Variants in RPN1 observed in about 807,000 individuals in gnomAD.
RPN1 encodes ribophorin I, also known as dolichyl-diphosphooligosaccharide--protein glycosyltransferase subunit 1.
Under a neutral mutation model 55.5 loss-of-function variants are expected in RPN1, and 12 were observed. That is an observed-to-expected ratio of 0.22 (90% CI 0.14 to 0.35). RPN1 has a LOEUF of 0.35. RPN1 is among the 10% of genes least tolerant of loss of function. RPN1 has a pLI of 1.00. For synonymous variants in RPN1, 317 were observed against 305.9 expected (o/e 1.04, Z -0.38); for missense variants, 679 against 761.3 (o/e 0.89, Z 1.27).
At chr3:128,644,690 G>A (rs1245013856) in intron 2 of RPN1, 2 of 651,740 alleles carry the variant, frequency 3.1e-6, no homozygotes, top group Non-Finnish European at 2.8e-6. Context: ...CAGATGCAGT[G>A]GTTCACACCT....
intron 7 of RPN1, 54 bp from the exon 8 acceptor site, chr3:128,625,707 A>T: frequency 6.2e-7 from 1 of 1,611,198 alleles, no homozygotes. Context: ...ATGGGAGCCT[A>T]GACTCACCCA....
Position 128,637,837 on chromosome 3 carries a change from C to T in RPN1, c.595G>A (p.Asp199Asn). The change falls in exon 3 of 10, where the codon GAT becomes AAT. Residue 199 changes from aspartate to asparagine, a missense_variant. By Grantham distance (23) the Asp-to-Asn change is conservative. Coordinates refer to ENST00000296255, the MANE Select transcript of RPN1 (RefSeq NM_002950.4). The part of the protein sequence containing the change: ...GNPTRSEDLL[D>N]YGPFRDVPAY... ...GGCACATCTCTGAAAGGCCCATAAT[C>T]CAGTAGGTCCTCAGAGCGCGTGGGG... 1 of 1,613,584 alleles carries T rather than the reference C, an allele frequency of 6.2e-7. No individual in the cohort carries two copies. Among genetic ancestry groups the T allele is most frequent in the Non-Finnish European group, 8.5e-7 (1 of 1,180,036 alleles).
chr3:128,643,616 T>C (rs377248553), intron 2 of RPN1, among the ~76,000 whole-genome samples: 4 of 151,742 alleles, frequency 2.6e-5, no homozygotes, highest in Non-Finnish European at 5.9e-5. Context: ...ACCAATATGG[T>C]GAAACCCCAT....
In RPN1 at chr3:128,649,452, A is replaced by G. The variant is rs915974359; in HGVS notation, c.261+1088T>C. Among the ~76,000 whole-genome samples the G allele has an allele frequency of 2.1e-4, 32 of 152,222 alleles. 1 individual carries two copies. The highest frequency in any genetic ancestry group is 1.5e-5 in the Non-Finnish European group (1 of 68,048). ...ATCTTTCCACAAGCCTTTGAGTAAA[A>G]CTTTATTTCATCATGGACAACGCAT... On this transcript the variant is annotated intron_variant, in intron 1 of 9. Transcript: ENST00000296255.
chr3:128,640,334 A>G (rs1311986225), intron 2 of RPN1, among the ~76,000 whole-genome samples: 3 of 152,180 alleles, frequency 2.0e-5, no homozygotes, highest in South Asian at 4.1e-4. Flanking sequence ...TTTGTCCTCA[A>G]AGGTGAGAAC....
chr3:128,642,042 A>C (rs550916502), intron 2 of RPN1, among the ~76,000 whole-genome samples: 72 of 152,342 alleles, frequency 4.7e-4, no homozygotes, highest in Non-Finnish European at 8.4e-4. Flanking sequence ...CAAAAAGCAC[A>C]GTCCTAATAA....
Position 128,622,285 on chromosome 3 carries a change from C to G in RPN1, c.1520G>C (p.Arg507Pro), listed in dbSNP as rs1231449821. Reference sequence around the variant, plus strand: ...GCCACTGTTGAGGGTGGAGATGTCCCGGGATTGCTTGTACCTATTGACGGT... The same window carrying G: ...GCCACTGTTGAGGGTGGAGATGTCCGGGGATTGCTTGTACCTATTGACGGT... Reference protein sequence around the residue: ...DETVNRYKQSRDISTLNSGKK... With the variant: ...DETVNRYKQSPDISTLNSGKK... Residue 507 changes from arginine to proline, a missense_variant, in exon 9 of 10, where the codon CGG (arginine) becomes CCG (proline). By Grantham distance (103) the Arg-to-Pro change is moderately radical (BLOSUM62 -2). Around this residue, in one of 3 missense-constraint regions of RPN1, gnomAD observed 306 missense variants for 360.0 expected, o/e 0.85. Transcript: ENST00000296255. The G allele has an allele frequency of 1.2e-6, 2 of 1,614,096 alleles. No individual in the cohort carries two copies. Among genetic ancestry groups the G allele is most frequent in the Non-Finnish European group, 1.7e-6 (2 of 1,180,040 alleles).
intron 2 of RPN1, 35 bp from the exon 3 acceptor site, chr3:128,638,140 A>T (rs547282931): frequency 6.6e-7 from 1 of 1,510,292 alleles, no homozygotes; most frequent in Admixed American, 1.8e-5. Flanking sequence ...AGTAAGAGAG[A>T]CTGAGGATAC....
intron 3 of RPN1, among the ~76,000 whole-genome samples, chr3:128,635,383 C>T (rs2069669438): frequency 6.6e-6 from 1 of 151,546 alleles, no homozygotes; most frequent in Non-Finnish European, 1.5e-5. Flanking sequence ...CTACCGCAAC[C>T]CCTACCTCCT....
In RPN1 at chr3:128,636,117, A is replaced by G. The variant is rs186025145; in HGVS notation, c.633+1682T>C. On this transcript the variant is annotated intron_variant, in intron 3 of 9. Transcript: ENST00000296255. ...TTAATAAAAAGTTCTTAAAAGTTTA[A>G]AACAACCCAAAACGAACAGCCCTAA... Among the ~76,000 whole-genome samples, 25 of 152,270 alleles carry G rather than the reference A, an allele frequency of 1.6e-4. No individual in the cohort carries two copies. In the East Asian group the frequency reaches 3.1e-3, roughly 19 times the overall value.
intron 3 of RPN1, among the ~76,000 whole-genome samples, chr3:128,635,117 A>C (rs1033692768): frequency 3.9e-5 from 6 of 152,018 alleles, no homozygotes; most frequent in African/African-American, 1.4e-4. Flanking sequence ...CTCTCTCCCC[A>C]AAAACAACCC....
At chr3:128,635,642 T>TAGATAG (rs1489869826) in intron 3 of RPN1, among the ~76,000 whole-genome samples, 9 of 8,062 alleles carry the variant, frequency 1.1e-3, no homozygotes, top group African/African-American at 2.4e-3. Context: ...TATATATAGA[T>TAGATAG]ATATATATAT....
chr3:128,623,485 C>T (rs1299986158), intron 8 of RPN1, among the ~76,000 whole-genome samples: 4 of 152,144 alleles, frequency 2.6e-5, no homozygotes. Flanking sequence ...CTGCAGTGAG[C>T]CCTGATCGTG....
chr3:128,622,526 G>C, intron 8 of RPN1, 117 bp from the exon 9 acceptor site: 1 of 1,345,198 alleles, frequency 7.4e-7, no homozygotes, highest in South Asian at 1.3e-5. Context: ...CCACCTTCTT[G>C]GAAAGTCAAA....
intron 1 of RPN1, among the ~76,000 whole-genome samples, chr3:128,646,790 T>C (rs1055595626): frequency 2.0e-5 from 3 of 151,664 alleles, no homozygotes; most frequent in Non-Finnish European, 4.4e-5. Flanking sequence ...CTGGCCAACA[T>C]GGTGAAACCC....
Position 128,641,609 on chromosome 3 carries a change from CTTT to C in RPN1, c.326+3307_326+3309del, listed in dbSNP as rs200507415. On this transcript the variant is annotated intron_variant, in intron 2 of 9. Coordinates refer to ENST00000296255, the MANE Select transcript of RPN1 (RefSeq NM_002950.4). ...TTATATATATATTGATTTAGTGAAT[CTTT>C]TTTTTTTTTTTTTTTTTTGACACGG... is the stretch of plus-strand genomic sequence containing the variant. Among the ~76,000 whole-genome samples the C allele has an allele frequency of 2.5e-3, 303 of 120,364 alleles. 2 individuals are homozygous for C. Among genetic ancestry groups the C allele is most frequent in the African/African-American group, 7.0e-3 (221 of 31,742 alleles). The allele number at this position is 120,364 out of a possible 152,430, so 79.0% of individuals were successfully genotyped here.
chr3:128,625,612 G>A lies in RPN1; in HGVS notation c.1317C>T (p.Pro439=). ...TGTAGAAGGCCGCCACCACCAGCAGGGGCTCCTGCAGCATGAGCACCTTGT... is the reference window on the plus strand; with the variant it reads ...TGTAGAAGGCCGCCACCACCAGCAGAGGCTCCTGCAGCATGAGCACCTTGT... ...TFNKVLMLQE[P]LLVVAAFYIL... The change falls in exon 8 of 10, where the codon CCC becomes CCT. Residue 439 remains proline (P), a synonymous_variant. Transcript: ENST00000296255. 1.2e-6 allele frequency: 2 copies of A among 1,614,078 alleles called. No homozygotes were observed. The highest frequency in any genetic ancestry group is 1.3e-5 in the African/African-American group (1 of 75,020).
Position 128,626,851 on chromosome 3 carries a change from A to G in RPN1, c.1037-19T>C, listed in dbSNP as rs373761405. 6.2e-7 allele frequency: 1 copy of G among 1,605,594 alleles called. No individual in the cohort carries two copies. The highest frequency in any genetic ancestry group is 8.5e-7 in the Non-Finnish European group (1 of 1,172,390). ...TGGTCACCTGAAGGATCAAGCAAGCATAAGCAATGATGTGGAAAACGGATC... is the reference window on the plus strand; with the variant it reads ...TGGTCACCTGAAGGATCAAGCAAGCGTAAGCAATGATGTGGAAAACGGATC... On this transcript the variant is annotated intron_variant, in intron 5 of 9. Coordinates refer to ENST00000296255, the MANE Select transcript of RPN1 (RefSeq NM_002950.4).
intron 3 of RPN1, among the ~76,000 whole-genome samples, chr3:128,637,042 G>C (rs2069686518): frequency 6.6e-6 from 1 of 152,020 alleles, no homozygotes; most frequent in Non-Finnish European, 1.5e-5. Flanking sequence ...TTTGAGACTA[G>C]CCTGGGCAAT....
Sources: gnomAD v4.1 joint callset for allele counts (sites outside exome capture counted in the v4.1 genomes callset) on GRCh38, gnomAD v4.1.1 for gene constraint, gnomAD v4.1.1 regional missense constraint, MANE v1.5 for transcripts, NCBI Gene and HGNC (gene_info 2026-07-23, HGNC 2026-07-21) for gene names.